KPNA1: variants seen among roughly 807,000 people sequenced by gnomAD.
KPNA1 encodes karyopherin subunit alpha 1.
A neutral mutation model predicts 70.5 loss-of-function variants in KPNA1; 10 were observed. That is an observed-to-expected ratio of 0.14 (90% CI 0.09 to 0.24). The LOEUF is 0.24. KPNA1 is among the 10% of genes least tolerant of loss of function. The pLI is 1.00. For missense variants in KPNA1, 397 were observed against 637.9 expected, an observed-to-expected ratio of 0.62 and a Z score of 4.07; for synonymous variants, 192 against 221.9, an observed-to-expected ratio of 0.87 and a Z score of 1.20.
At chr3:122,434,037 A>C (rs1560017040) in intron 11 of KPNA1, among the ~76,000 whole-genome samples, 1 of 152,020 alleles carries the variant, frequency 6.6e-6, no homozygotes, top group Non-Finnish European at 1.5e-5. Context: ...CCTGGGTTCA[A>C]GTGATTCTCC....
At chr3:122,469,951 T>C (rs1045319007) in intron 2 of KPNA1, among the ~76,000 whole-genome samples, 35 of 152,138 alleles carry the variant, frequency 2.3e-4, no homozygotes, top group Admixed American at 8.5e-4. Context: ...AAAATAAAGA[T>C]TTTTTTCAGA....
intron 10 of KPNA1, among the ~76,000 whole-genome samples, chr3:122,438,383 CTTTT>C (rs1244333062): frequency 6.9e-6 from 1 of 145,698 alleles, no homozygotes; most frequent in African/African-American, 2.6e-5. Flanking sequence ...TTCGGTATTT[CTTTT>C]TTGTTTTTTT....
At chr3:122,440,970 C>T (rs1370354402) in intron 10 of KPNA1, among the ~76,000 whole-genome samples, 2 of 152,186 alleles carry the variant, frequency 1.3e-5, no homozygotes, top group African/African-American at 4.8e-5. Flanking sequence ...ATCTAATCTC[C>T]TTAATTTTAG....
intron 2 of KPNA1, among the ~76,000 whole-genome samples, chr3:122,472,745 A>G (rs1187508240): frequency 1.3e-5 from 2 of 152,194 alleles, no homozygotes; most frequent in Admixed American, 1.3e-4. Context: ...TCAAAGAAAG[A>G]AAATCACTAC....
intron 2 of KPNA1, among the ~76,000 whole-genome samples, chr3:122,495,034 G>A (rs1020444788): frequency 1.3e-5 from 2 of 151,948 alleles, no homozygotes; most frequent in African/African-American, 4.8e-5. Context: ...GGCAGATCAC[G>A]AGGACAAGAG....
At chr3:122,433,953 T>C (rs1022456956) in intron 11 of KPNA1, among the ~76,000 whole-genome samples, 165 bp from the exon 12 acceptor site, 13 of 152,246 alleles carry the variant, frequency 8.5e-5, no homozygotes, top group African/African-American at 2.4e-4. Context: ...TTTTTCTTTT[T>C]TGAGATGGAG....
At chr3:122,482,849 C>T (rs184911106) in intron 2 of KPNA1, 10 of 152,214 alleles carry the variant, frequency 6.6e-5, no homozygotes, top group African/African-American at 2.4e-4. Flanking sequence ...ATGACCTAAC[C>T]CCCGCAGCAG....
intron 1 of KPNA1, among the ~76,000 whole-genome samples, chr3:122,501,635 T>C (rs999895275): frequency 5.3e-5 from 8 of 152,330 alleles, no homozygotes; most frequent in African/African-American, 1.4e-4. Context: ...CACATAACAC[T>C]TGCTATCCTG....
At chr3:122,490,089 C>T (rs1236655907) in intron 2 of KPNA1, among the ~76,000 whole-genome samples, 1 of 152,232 alleles carries the variant, frequency 6.6e-6, no homozygotes, top group Non-Finnish European at 1.5e-5. Flanking sequence ...TTTCTCTAAC[C>T]TTGGGTAGTT....
In KPNA1 at chr3:122,447,470, C is replaced by T. The variant is rs551742629; in HGVS notation, c.917+2104G>A. On this transcript the variant is annotated intron_variant, in intron 9 of 13. Transcript: ENST00000344337. Reference sequence around the variant, plus strand: ...AGAAAAGGCCTTTGACAAAATTCAACAGCCCTTCATGCTAAAAACTCTCAA... The same window carrying T: ...AGAAAAGGCCTTTGACAAAATTCAATAGCCCTTCATGCTAAAAACTCTCAA... 2.4e-3 allele frequency among the ~76,000 whole-genome samples: 362 copies of T among 152,316 alleles called. 3 individuals carry two copies. Among genetic ancestry groups the T allele is most frequent in the African/African-American group, 8.4e-3 (350 of 41,570 alleles).
chr3:122,441,728 T>C (rs1312809035), intron 10 of KPNA1, among the ~76,000 whole-genome samples: 1 of 152,074 alleles, frequency 6.6e-6, no homozygotes, highest in African/African-American at 2.4e-5. Context: ...AGCCTCCAAG[T>C]AGCTGGAACT....
rs374895933 is a variant in KPNA1, at chr3:122,423,168, G to A, written c.*3817C>T. The A allele has an allele frequency of 6.6e-6, 1 of 152,134 alleles. No homozygotes were observed. Among genetic ancestry groups the A allele is most frequent in the South Asian group, 2.1e-4 (1 of 4,830 alleles). 9.4% of individuals were successfully genotyped at this position (152,134 alleles called of 1,614,324 possible). A position where few individuals can be genotyped will look rare whatever the true frequency, so the allele number is the denominator to read the frequency against. On this transcript the variant is annotated 3_prime_UTR_variant, in exon 14 of 14. Transcript: ENST00000344337. ...TTATGATAGCCAACTTACTGTAGTA[G>A]TCACATCTGACCTTTGATAATTTTT...
intron 5 of KPNA1, chr3:122,460,165 T>A: frequency 1.0e-6 from 1 of 985,238 alleles, no homozygotes. Flanking sequence ...GGTGAGAATT[T>A]AGGGATCACA....
At chr3:122,492,363 A>G (rs951044013) in intron 2 of KPNA1, among the ~76,000 whole-genome samples, 35 of 152,134 alleles carry the variant, frequency 2.3e-4, no homozygotes, top group Non-Finnish European at 4.0e-4. Flanking sequence ...TCAAACTCAA[A>G]ATTTTGGTAT....
chr3:122,509,024 T>A (rs1253682020), intron 1 of KPNA1, among the ~76,000 whole-genome samples: 1 of 152,052 alleles, frequency 6.6e-6, no homozygotes, highest in African/African-American at 2.4e-5. Flanking sequence ...GGAGGGTGGA[T>A]CACTTGAGGT....
intron 12 of KPNA1, among the ~76,000 whole-genome samples, chr3:122,430,165 CTT>C (rs879601849): frequency 1.3e-5 from 2 of 151,868 alleles, no homozygotes; most frequent in Admixed American, 6.6e-5. Flanking sequence ...ATGCTCATAA[CTT>C]TTGTTTTGTA....
rs2075778963 is a variant in KPNA1, at chr3:122,422,964, AT to A, written c.*4020del. On this transcript the variant is annotated 3_prime_UTR_variant, in exon 14 of 14. Transcript: ENST00000344337. Reference sequence around the variant, plus strand: ...ATTTTATGTCCAGTAGCAATTTGATATTTTAAATTAGCATATAAATATTTGC... The same window carrying A: ...ATTTTATGTCCAGTAGCAATTTGATATTTAAATTAGCATATAAATATTTGC... 6.6e-6 allele frequency: 1 copy of A among 152,212 alleles called. No individual in the cohort carries two copies. The highest frequency in any genetic ancestry group is 2.4e-5 in the African/African-American group (1 of 41,454). The allele number at this position is 152,212 out of a possible 1,614,324, so 9.4% of individuals were successfully genotyped here. A position where few individuals can be genotyped will look rare whatever the true frequency, so the allele number is the denominator to read the frequency against.
intron 9 of KPNA1, among the ~76,000 whole-genome samples, chr3:122,445,404 C>G (rs2076124158): frequency 6.6e-6 from 1 of 152,270 alleles, no homozygotes; most frequent in East Asian, 1.9e-4. Context: ...CCAAGAATGT[C>G]ATATCCAGCC....
At chr3:122,513,340 C>T (rs1489870140) in intron 1 of KPNA1, among the ~76,000 whole-genome samples, 3 of 152,190 alleles carry the variant, frequency 2.0e-5, no homozygotes, top group African/African-American at 7.2e-5. Flanking sequence ...CTTTCTCTTA[C>T]GTCTCATCTA....
Sources: gnomAD v4.1 joint callset for allele counts (sites outside exome capture counted in the v4.1 genomes callset) on GRCh38, gnomAD v4.1.1 for gene constraint, MANE v1.5 for transcripts, NCBI Gene and HGNC (gene_info 2026-07-23, HGNC 2026-07-21) for gene names.